CXADR: variants seen among roughly 807,000 people sequenced by gnomAD.
CXADR encodes CXADR cell adhesion molecule, also known as coxsackievirus and adenovirus receptor.
A neutral mutation model predicts 40.3 loss-of-function variants in CXADR; 20 were observed. That is an observed-to-expected ratio of 0.50 (90% CI 0.35 to 0.72). The LOEUF is 0.72. Among genes scored for constraint, CXADR ranks in the 30% least tolerant of loss-of-function variants. The pLI, the probability that CXADR is intolerant of heterozygous loss-of-function variation, is 0.01. For synonymous variants in CXADR, 150 were observed against 161.3 expected (o/e 0.93, Z 0.53); for missense variants, 332 against 449.1 (o/e 0.74, Z 2.36).
chr21:17,604,214 G>C, the CXADR span: 1 of 870,996 alleles, frequency 1.1e-6, no homozygotes, highest in African/African-American at 1.9e-5. Flanking sequence ...AGGCCAAGGC[G>C]GGCGGATCAC....
At chr21:17,630,627 A>C in the CXADR span, among the ~76,000 whole-genome samples, 1 of 147,960 alleles carries the variant, frequency 6.8e-6, no homozygotes, top group Non-Finnish European at 1.5e-5. Context: ...TTAAATGTAG[A>C]GAAGACTTCC....
rs756459051 is a variant in CXADR at position 17,566,870 on chromosome 21, T to G, written c.*1178T>G. On this transcript the variant is annotated 3_prime_UTR_variant, in exon 7 of 7. Coordinates refer to ENST00000284878, the MANE Select transcript of CXADR (RefSeq NM_001338.5). Reference sequence around the variant, plus strand: ...ACAGTTGCTGTTGTGTGATCAAACATGTCTCTGTGTAGTTCCAGCAAATCA... The same window carrying G: ...ACAGTTGCTGTTGTGTGATCAAACAGGTCTCTGTGTAGTTCCAGCAAATCA... The G allele has an allele frequency of 3.5e-5, 34 of 984,336 alleles. No homozygotes were observed. Among genetic ancestry groups the G allele is most frequent in the Non-Finnish European group, 4.0e-5 (33 of 829,278 alleles). The allele number at this position is 984,336 out of a possible 1,614,324, so 61.0% of individuals were successfully genotyped here. A position where few individuals can be genotyped will look rare whatever the true frequency, so the allele number is the denominator to read the frequency against.
Position 17,567,432 on chromosome 21 carries a change from A to G in CXADR, c.*1740A>G, listed in dbSNP as rs1319127325. ...TGTGCCTTTTGGTAATTTAATTTCT[A>G]TTATGAATTTCTGGTGCCTATGAGC... is the stretch of plus-strand genomic sequence containing the variant. On this transcript the variant is annotated 3_prime_UTR_variant, in exon 7 of 7. Transcript: ENST00000284878. 5.1e-6 allele frequency: 5 copies of G among 985,122 alleles called. No homozygotes were observed. Among genetic ancestry groups the G allele is most frequent in the Non-Finnish European group, 6.0e-6 (5 of 829,774 alleles). 61.0% of individuals were successfully genotyped at this position (985,122 alleles called of 1,614,324 possible).
the CXADR span, chr21:17,613,544 C>G: frequency 6.6e-6 from 1 of 152,338 alleles, no homozygotes; most frequent in Admixed American, 6.5e-5. Flanking sequence ...CCTGTGGACG[C>G]TTGTGTGCTG....
At chr21:17,617,840 T>C in the CXADR span, among the ~76,000 whole-genome samples, 1 of 152,154 alleles carries the variant, frequency 6.6e-6, no homozygotes, top group Non-Finnish European at 1.5e-5. Flanking sequence ...TAAAGTTTGC[T>C]CCATTGATTG....
chr21:17,544,681 A>C (rs1467631675), intron 1 of CXADR, among the ~76,000 whole-genome samples: 2 of 152,216 alleles, frequency 1.3e-5, no homozygotes. Flanking sequence ...TACACAGGTC[A>C]TTCCTGGCAC....
intron 1 of CXADR, among the ~76,000 whole-genome samples, chr21:17,519,550 G>A (rs1004751522): frequency 6.6e-6 from 1 of 152,132 alleles, no homozygotes; most frequent in Non-Finnish European, 1.5e-5. Flanking sequence ...TGCCAAATTG[G>A]TTTATCTCTT....
intron 1 of CXADR, among the ~76,000 whole-genome samples, chr21:17,532,072 A>T (rs750795600): frequency 4.0e-4 from 61 of 151,968 alleles, no homozygotes; most frequent in Non-Finnish European, 7.1e-4. Context: ...CTGGGACTGC[A>T]GGCATGCACC....
chr21:17,552,741 G>A (rs211976), intron 3 of CXADR, among the ~76,000 whole-genome samples: 82,039 of 151,874 alleles, frequency 0.54, 25,179 homozygotes, highest in Non-Finnish European at 0.7. Flanking sequence ...ATGTTTTAGG[G>A]GACACTTGGG....
the CXADR span, among the ~76,000 whole-genome samples, chr21:17,626,533 AGTTTCTCAG>A: frequency 6.6e-6 from 1 of 152,160 alleles, no homozygotes; most frequent in Non-Finnish European, 1.5e-5. Context: ...TTTTTTAGCA[AGTTTCTCAG>A]GTTATACTTT....
chr21:17,571,398 A>G (rs1178802298), downstream of CXADR, among the ~76,000 whole-genome samples: 2 of 152,232 alleles, frequency 1.3e-5, no homozygotes, highest in Non-Finnish European at 2.9e-5. Context: ...TTACAGTACA[A>G]TATGCCAAGT....
intron 1 of CXADR, among the ~76,000 whole-genome samples, chr21:17,535,208 G>T (rs926229848): frequency 6.6e-6 from 1 of 152,090 alleles, no homozygotes; most frequent in South Asian, 2.1e-4. Context: ...GCTCGTTGCA[G>T]CCTCAGCTTC....
At chr21:17,551,257 G>T (rs1185995692) in intron 2 of CXADR, among the ~76,000 whole-genome samples, 4 of 152,192 alleles carry the variant, frequency 2.6e-5, no homozygotes, top group African/African-American at 9.6e-5. Context: ...AAAATTAGCT[G>T]GCTGTGGTGG....
chr21:17,619,066 A>G, the CXADR span, among the ~76,000 whole-genome samples: 1 of 152,240 alleles, frequency 6.6e-6, no homozygotes, highest in Non-Finnish European at 1.5e-5. Flanking sequence ...TCAGTAAACC[A>G]TGCTGTAAAC....
chr21:17,558,332 G>A (rs1238774315), intron 3 of CXADR, among the ~76,000 whole-genome samples: 1 of 152,014 alleles, frequency 6.6e-6, no homozygotes, highest in Non-Finnish European at 1.5e-5. Context: ...GTCTCGCTAT[G>A]TTACCCAGGC....
At chr21:17,589,984 CTAATATTATACACAGAAATGATCCAT>C in intron 7 of CXADR, among the ~76,000 whole-genome samples, 1 of 151,990 alleles carries the variant, frequency 6.6e-6, no homozygotes, top group Non-Finnish European at 1.5e-5. Flanking sequence ...GGTCATAACA[CTAATATTATACACAGAAATGATCCAT>C]TAAACCTCTA....
At chr21:17,592,718 C>T (rs982948352) in intron 7 of CXADR, among the ~76,000 whole-genome samples, 1 of 151,446 alleles carries the variant, frequency 6.6e-6, no homozygotes. Flanking sequence ...CAAACATGCT[C>T]ATGTTTGAAT....
At chr21:17,592,819 GAA>G (rs760039479) in intron 7 of CXADR, among the ~76,000 whole-genome samples, 2 of 151,928 alleles carry the variant, frequency 1.3e-5, no homozygotes, top group African/African-American at 2.4e-5. Context: ...ATTAAAGCTA[GAA>G]AAGTCTCTAA....
intron 5 of CXADR, 138 bp from the exon 6 acceptor site, chr21:17,561,199 TC>T: frequency 1.8e-6 from 1 of 568,666 alleles, no homozygotes. Flanking sequence ...TATGAATTTT[TC>T]CCCCGGATCA....
Sources: gnomAD v4.1 joint callset for allele counts (sites outside exome capture counted in the v4.1 genomes callset) on GRCh38, gnomAD v4.1.1 for gene constraint, MANE v1.5 for transcripts, NCBI Gene and HGNC (gene_info 2026-07-23, HGNC 2026-07-21) for gene names.